Variants in RNGTT observed in about 807,000 individuals in gnomAD.
RNGTT encodes the protein mRNA-capping enzyme.
A neutral mutation model predicts 79.3 loss-of-function variants in RNGTT; 33 were observed. The observed-to-expected ratio is 0.42, with a 90% CI of 0.32 to 0.56. The LOEUF (loss-of-function observed/expected upper bound fraction) is 0.56, where lower values mean the gene tolerates loss of function less well. RNGTT is among the 20% of genes least tolerant of loss of function. The pLI is 0.17. For missense variants in RNGTT, 497 were observed against 739.1 expected, an observed-to-expected ratio of 0.67 and a Z score of 3.80; for synonymous variants, 222 against 235.9, an observed-to-expected ratio of 0.94 and a Z score of 0.54.
intron 2 of RNGTT, among the ~76,000 whole-genome samples, chr6:88,939,492 C>A (rs1784777576): frequency 6.6e-6 from 1 of 151,966 alleles, no homozygotes; most frequent in Non-Finnish European, 1.5e-5. Flanking sequence ...ATTATTCATA[C>A]CCTGAATTGT....
At chr6:88,852,983 T>G (rs1414255918) in intron 9 of RNGTT, among the ~76,000 whole-genome samples, 1 of 152,170 alleles carries the variant, frequency 6.6e-6, no homozygotes, top group Non-Finnish European at 1.5e-5. Flanking sequence ...ACTAACCACA[T>G]GTAACATATG....
chr6:88,842,311 T>C (rs888200593), intron 11 of RNGTT, among the ~76,000 whole-genome samples: 1 of 151,946 alleles, frequency 6.6e-6, no homozygotes, highest in Non-Finnish European at 1.5e-5. Flanking sequence ...AATATGCAGT[T>C]TATATGTCTT....
At chr6:88,856,570 A>G (rs1192817628) in intron 8 of RNGTT, among the ~76,000 whole-genome samples, 2 of 152,214 alleles carry the variant, frequency 1.3e-5, no homozygotes, top group East Asian at 1.9e-4. Flanking sequence ...GGATTTACAA[A>G]AGGATAGCTT....
In RNGTT at chr6:88,784,456, C is replaced by T. The variant is rs9451086; in HGVS notation, c.1339-14582G>A. Among the ~76,000 whole-genome samples, 1,482 of 152,112 alleles carry T rather than the reference C, an allele frequency of 9.7e-3. 17 individuals are homozygous for T. Among genetic ancestry groups the T allele is most frequent in the African/African-American group, 0.034 (1,390 of 41,482 alleles). On this transcript the variant is annotated intron_variant, in intron 12 of 15. Coordinates refer to ENST00000369485, the MANE Select transcript of RNGTT (RefSeq NM_003800.5). ...ATACAACCAGGCTTCCTCAAGGAAGCACATCTAACTTGATAGTTGAAGGAT... is the reference window on the plus strand; with the variant it reads ...ATACAACCAGGCTTCCTCAAGGAAGTACATCTAACTTGATAGTTGAAGGAT...
intron 8 of RNGTT, among the ~76,000 whole-genome samples, chr6:88,854,977 T>A (rs1337622214): frequency 1.3e-5 from 2 of 151,972 alleles, no homozygotes; most frequent in Non-Finnish European, 2.9e-5. Flanking sequence ...TGAGAAAAAA[T>A]TTATAGCAAA....
At chr6:88,733,807 A>C (rs1777194799) in intron 13 of RNGTT, among the ~76,000 whole-genome samples, 1 of 151,880 alleles carries the variant, frequency 6.6e-6, no homozygotes, top group Non-Finnish European at 1.5e-5. Context: ...CTTAAAATTC[A>C]AAGTGTTGAA....
intron 1 of RNGTT, among the ~76,000 whole-genome samples, chr6:88,945,049 G>T (rs1784961587): frequency 6.6e-6 from 1 of 152,166 alleles, no homozygotes; most frequent in South Asian, 2.1e-4. Context: ...TTGGTAGACG[G>T]GCTGATGAAG....
intron 13 of RNGTT, among the ~76,000 whole-genome samples, chr6:88,756,070 G>T (rs1426807416): frequency 6.6e-6 from 1 of 151,180 alleles, no homozygotes; most frequent in Non-Finnish European, 1.5e-5. Flanking sequence ...GGAAAGGAAA[G>T]GTAACCAATA....
intron 8 of RNGTT, among the ~76,000 whole-genome samples, chr6:88,867,374 T>A (rs1782206903): frequency 6.6e-6 from 1 of 151,912 alleles, no homozygotes. Context: ...TCTCAGCTAC[T>A]CAAGAGGCCG....
intron 8 of RNGTT, among the ~76,000 whole-genome samples, chr6:88,871,288 T>C (rs1259140722): frequency 6.6e-6 from 1 of 151,786 alleles, no homozygotes; most frequent in African/African-American, 2.4e-5. Context: ...ATGATGCACT[T>C]ATACAATGGA....
intron 8 of RNGTT, among the ~76,000 whole-genome samples, chr6:88,866,257 G>T (rs1395884654): frequency 6.6e-6 from 1 of 152,052 alleles, no homozygotes; most frequent in Non-Finnish European, 1.5e-5. Flanking sequence ...ATTATCAAGG[G>T]TTGAAAGGGT....
At chr6:88,933,877 C>A (rs1419583810) in intron 2 of RNGTT, among the ~76,000 whole-genome samples, 1 of 152,166 alleles carries the variant, frequency 6.6e-6, no homozygotes, top group Non-Finnish European at 1.5e-5. Flanking sequence ...ACTGCTAGAT[C>A]GTATAGCAGT....
At chr6:88,723,336 T>G (rs1020511039) in intron 13 of RNGTT, among the ~76,000 whole-genome samples, 22 of 152,236 alleles carry the variant, frequency 1.4e-4, no homozygotes, top group East Asian at 5.8e-4. Context: ...ACAATTCTTC[T>G]GACAGATGGC....
At chr6:88,618,988 A>C (rs1407592518) in intron 14 of RNGTT, among the ~76,000 whole-genome samples, 1 of 152,104 alleles carries the variant, frequency 6.6e-6, no homozygotes, top group Non-Finnish European at 1.5e-5. Flanking sequence ...TTAATTGCTT[A>C]TCTGTATTGG....
intron 14 of RNGTT, among the ~76,000 whole-genome samples, chr6:88,631,651 T>C (rs928758864): frequency 7.2e-5 from 11 of 152,140 alleles, no homozygotes; most frequent in Non-Finnish European, 1.6e-4. Flanking sequence ...CTCTACATTT[T>C]TTTTTTAAGG....
chr6:88,708,798 A>G (rs1236278453), intron 13 of RNGTT, among the ~76,000 whole-genome samples: 1 of 152,064 alleles, frequency 6.6e-6, no homozygotes, highest in Non-Finnish European at 1.5e-5. Context: ...GTTTTCCAGT[A>G]AGAAAAGGGG....
At chr6:88,698,282 C>G (rs1312357991) in intron 13 of RNGTT, among the ~76,000 whole-genome samples, 21 of 93,020 alleles carry the variant, frequency 2.3e-4, no homozygotes, top group African/African-American at 9.8e-4. Context: ...ATATATATTT[C>G]ATATATATCA....
rs1215092856 is a variant in RNGTT, at chr6:88,943,316, T to C, written c.65-2136A>G. On this transcript the variant is annotated intron_variant, in intron 1 of 15. Coordinates refer to ENST00000369485, the MANE Select transcript of RNGTT (RefSeq NM_003800.5). ...TCAGCAAATAGTAACATCATTCTTTTAGCAGCTCAAGACCAAAACCTTTTA... is the reference window on the plus strand; with the variant it reads ...TCAGCAAATAGTAACATCATTCTTTCAGCAGCTCAAGACCAAAACCTTTTA... 3.3e-5 allele frequency among the ~76,000 whole-genome samples: 5 copies of C among 152,194 alleles called. No homozygotes were observed. The East Asian group carries it at 9.6e-4, about 29-fold the overall frequency.
At chr6:88,955,162 T>A (rs988012876) in intron 1 of RNGTT, among the ~76,000 whole-genome samples, 2 of 152,168 alleles carry the variant, frequency 1.3e-5, no homozygotes, top group Non-Finnish European at 2.9e-5. Context: ...GATGGAAATT[T>A]AAAAATTTTT....
Sources: allele counts gnomAD v4.1 joint callset (sites outside exome capture counted in the v4.1 genomes callset), GRCh38; gene constraint gnomAD v4.1.1; transcripts MANE v1.5; gene names NCBI Gene and HGNC (gene_info 2026-07-23, HGNC 2026-07-21).